Variants in CSMD1 observed in about 807,000 individuals in gnomAD.
The protein encoded by CSMD1 is CUB and sushi domain-containing protein 1.
In CSMD1, 213 loss-of-function variants were observed where a neutral mutation model predicts 417.5. The ratio of observed to expected loss-of-function variants is 0.51; its 90% confidence interval spans 0.46 to 0.57. CSMD1 has a LOEUF of 0.57. Ranked by LOEUF, CSMD1 falls within the 20% of genes least tolerant of loss-of-function variation. CSMD1 has a pLI of 0.00. For missense variants in CSMD1, 6,923 were observed against 4,529.7 expected, an observed-to-expected ratio of 1.53 and a Z score of -15.17; for synonymous variants, 2,862 against 1,736.8, an observed-to-expected ratio of 1.65 and a Z score of -16.11.
rs754263659 is a variant in CSMD1 at position 3,367,069 on chromosome 8, G to C, written c.3078C>G (p.Phe1026Leu). ...TATTGAAGCCCTCGTACGAAATTGA[G>C]AAGTCTGATATAAACCGAAGCTGGG... ...FTAQLRFISD[F>L]SISYEGFNIT... Residue 1026 changes from phenylalanine to leucine, a missense_variant, in exon 20 of 70, where the codon TTC becomes TTG. Physicochemically the swap from Phe to Leu is conservative, Grantham distance 22. Coordinates refer to ENST00000635120, the MANE Select transcript of CSMD1 (RefSeq NM_033225.6). 6.2e-7 allele frequency: 1 copy of C among 1,613,792 alleles called. No individual in the cohort carries two copies. Among genetic ancestry groups the C allele is most frequent in the South Asian group, 1.1e-5 (1 of 91,018 alleles).
intron 12 of CSMD1, among the ~76,000 whole-genome samples, chr8:3,425,130 A>G (rs550372378): frequency 6.6e-6 from 1 of 152,252 alleles, no homozygotes; most frequent in East Asian, 1.9e-4. Flanking sequence ...CTATTTTATC[A>G]TTAGTCATTG....
chr8:4,130,696 G>A (rs184748223), intron 3 of CSMD1, among the ~76,000 whole-genome samples: 1 of 150,092 alleles, frequency 6.7e-6, no homozygotes, highest in South Asian at 2.1e-4. Flanking sequence ...TGGAATTTTG[G>A]AGGGGAGTAG....
intron 26 of CSMD1, among the ~76,000 whole-genome samples, chr8:3,261,818 T>C (rs1022867634): frequency 6.6e-6 from 1 of 152,044 alleles, no homozygotes; most frequent in Non-Finnish European, 1.5e-5. Context: ...AAGTACAGAA[T>C]AGATGAATGG....
intron 12 of CSMD1, among the ~76,000 whole-genome samples, chr8:3,457,562 T>C (rs1816234483): frequency 2.6e-5 from 4 of 152,318 alleles, no homozygotes; most frequent in Admixed American, 2.6e-4. Context: ...AGAGGATATG[T>C]ACGCGGTTTA....
At chr8:4,172,547 G>A (rs762241405) in intron 3 of CSMD1, among the ~76,000 whole-genome samples, 34 of 151,984 alleles carry the variant, frequency 2.2e-4, no homozygotes, top group Admixed American at 3.3e-4. Context: ...TGCTTGCAGT[G>A]GAAAGTGAGG....
chr8:4,002,383 T>C (rs192338458), intron 4 of CSMD1, among the ~76,000 whole-genome samples: 2 of 152,300 alleles, frequency 1.3e-5, no homozygotes, highest in African/African-American at 2.4e-5. Flanking sequence ...ATTTTAAACA[T>C]AATAGCATTT....
At chr8:4,986,551 C>A (rs1374174997) in intron 1 of CSMD1, among the ~76,000 whole-genome samples, 2 of 152,040 alleles carry the variant, frequency 1.3e-5, no homozygotes, top group Admixed American at 6.6e-5. Flanking sequence ...ACATTTAGCC[C>A]TTTCTTATAT....
At chr8:4,869,591 TTTAG>T (rs1802616213) in intron 1 of CSMD1, among the ~76,000 whole-genome samples, 1 of 152,086 alleles carries the variant, frequency 6.6e-6, no homozygotes, top group Non-Finnish European at 1.5e-5. Flanking sequence ...AATGTTGTAG[TTTAG>T]TTAATGATCA....
At position 4,312,886 on chromosome 8, in the gene CSMD1, G is replaced by C. The variant is rs1021222221; in HGVS notation, c.415+107067C>G. ...TCTCAAAAACATTAAAAAACAAAAA[G>C]CTTTCATCACACGTGGCAAAAACAA... On this transcript the variant is annotated intron_variant, in intron 3 of 69. Transcript: ENST00000635120. Among the ~76,000 whole-genome samples the C allele has an allele frequency of 2.9e-4, 44 of 152,032 alleles. 1 individual carries two copies. Among genetic ancestry groups the C allele is most frequent in the African/African-American group, 9.9e-4 (41 of 41,386 alleles).
intron 5 of CSMD1, among the ~76,000 whole-genome samples, chr8:3,967,800 T>G (rs1311638113): frequency 6.6e-6 from 1 of 151,920 alleles, no homozygotes; most frequent in African/African-American, 2.4e-5. Flanking sequence ...ACATATCCAA[T>G]TTGCTTGAGA....
intron 1 of CSMD1, among the ~76,000 whole-genome samples, chr8:4,960,463 CAA>C (rs1417584570): frequency 5.9e-5 from 9 of 152,086 alleles, no homozygotes; most frequent in Non-Finnish European, 2.9e-5. Context: ...TGGGGATAAA[CAA>C]AGTACCAAAC....
intron 1 of CSMD1, among the ~76,000 whole-genome samples, chr8:4,938,705 C>G (rs10099993): frequency 6.6e-6 from 1 of 152,162 alleles, no homozygotes; most frequent in African/African-American, 2.4e-5. Context: ...AACAGATAAT[C>G]TTCTCATGAT....
At chr8:4,913,041 G>T (rs113798513) in intron 1 of CSMD1, among the ~76,000 whole-genome samples, 1 of 151,988 alleles carries the variant, frequency 6.6e-6, no homozygotes, top group Non-Finnish European at 1.5e-5. Context: ...CACCTGCCTC[G>T]GCCTCCCAAA....
intron 7 of CSMD1, among the ~76,000 whole-genome samples, chr8:3,619,009 C>T (rs1248476560): frequency 1.3e-5 from 2 of 152,054 alleles, no homozygotes; most frequent in Non-Finnish European, 2.9e-5. Flanking sequence ...GGCTAGCAGC[C>T]ATGAAAGGCT....
chr8:4,755,605 A>T (rs923173828), intron 1 of CSMD1, among the ~76,000 whole-genome samples: 1 of 152,132 alleles, frequency 6.6e-6, no homozygotes, highest in African/African-American at 2.4e-5. Flanking sequence ...TATCAGATGG[A>T]AAGTTACTTT....
intron 1 of CSMD1, among the ~76,000 whole-genome samples, chr8:4,675,450 G>A (rs147790578): frequency 1.3e-5 from 2 of 152,074 alleles, no homozygotes; most frequent in African/African-American, 2.4e-5. Flanking sequence ...CCTCAGGATT[G>A]TAAGAACATT....
rs1803661656 is a variant in CSMD1, at chr8:4,389,046, G to C, written c.415+30907C>G. Among the ~76,000 whole-genome samples the C allele has an allele frequency of 2.0e-5, 3 of 152,230 alleles. No homozygotes were observed. The South Asian group carries it at 6.2e-4, about 32-fold the overall frequency. On this transcript the variant is annotated intron_variant, in intron 3 of 69. Coordinates refer to ENST00000635120, the MANE Select transcript of CSMD1 (RefSeq NM_033225.6). The stretch of plus-strand genomic sequence containing the variant: ...ATTAAGTAAGCATGCAGTTAGTCTG[G>C]TCTTATTTTACATTTGCTTTTCTCT...
intron 1 of CSMD1, among the ~76,000 whole-genome samples, chr8:4,836,070 G>T (rs759613288): frequency 3.8e-4 from 57 of 151,986 alleles, no homozygotes; most frequent in Non-Finnish European, 7.2e-4. Flanking sequence ...TTAGAATATT[G>T]GACATACACA....
intron 10 of CSMD1, among the ~76,000 whole-genome samples, chr8:3,551,025 TC>T (rs1798886612): frequency 6.6e-6 from 1 of 152,140 alleles, no homozygotes; most frequent in African/African-American, 2.4e-5. Flanking sequence ...TTAGTCAGGA[TC>T]AGCCTAAATC....
Sources: allele counts gnomAD v4.1 joint callset (sites outside exome capture counted in the v4.1 genomes callset), GRCh38; gene constraint gnomAD v4.1.1; transcripts MANE v1.5; gene names NCBI Gene and HGNC (gene_info 2026-07-23, HGNC 2026-07-21).